Variants in SERPINA4 observed in about 807,000 individuals in gnomAD.
SERPINA4 encodes kallistatin.
A neutral mutation model predicts 25.4 loss-of-function variants in SERPINA4; 24 were observed. The observed-to-expected ratio is 0.95, with a 90% confidence interval of 0.69 to 1.33. SERPINA4 has a LOEUF of 1.33. Among genes scored for constraint, SERPINA4 ranks in the 40% most tolerant of loss-of-function variants. The pLI is 0.00. For synonymous variants in SERPINA4, 242 were observed against 223.6 expected, an observed-to-expected ratio of 1.08 and a Z score of -0.73; for missense variants, 553 against 535.8, an observed-to-expected ratio of 1.03 and a Z score of -0.32.
intron 4 of SERPINA4, among the ~76,000 whole-genome samples, chr14:94,568,586 A>G (rs1902293663): frequency 6.6e-6 from 1 of 152,170 alleles, no homozygotes; most frequent in African/African-American, 2.4e-5. Context: ...CGGGCATGGT[A>G]ACTCATGCCT....
chr14:94,566,984 C>A lies in SERPINA4; in HGVS notation c.664C>A (p.Pro222Thr), dbSNP rs754681083. The A allele has an allele frequency of 9.9e-6, 16 of 1,613,370 alleles. No individual in the cohort carries two copies. Among genetic ancestry groups the A allele is most frequent in the Non-Finnish European group, 1.4e-5 (16 of 1,179,568 alleles). ...CTTCCCTTCAGCCCTGTGGGAGAAA[C>A]CATTCATTTCCTCAAGGACCACTCC... ...YIYFKALWEK[P>T]FISSRTTPKD... Residue 222 changes from proline to threonine, a missense_variant, in exon 3 of 5, where the codon CCA (proline) becomes ACA (threonine). Coordinates refer to ENST00000557004, the MANE Select transcript of SERPINA4 (RefSeq NM_006215.4).
chr14:94,569,421 G>T lies in SERPINA4; in HGVS notation c.1110G>T (p.Val370=), dbSNP rs1265325364. ...GTTTCCACAAGGCCACCTTGGACGT[G>T]GATGAGGCTGGCACCGAGGCTGCAG... is the stretch of plus-strand genomic sequence containing the variant. The part of the protein sequence containing the change: ...SKSFHKATLD[V]DEAGTEAAAA... Residue 370 remains valine, a synonymous_variant, in exon 5 of 5, where the codon GTG becomes GTT. Coordinates refer to ENST00000557004, the MANE Select transcript of SERPINA4 (RefSeq NM_006215.4). 8 of 1,613,956 alleles carry T rather than the reference G, an allele frequency of 5.0e-6. No individual in the cohort carries two copies. The highest frequency in any genetic ancestry group is 4.5e-5 in the East Asian group (2 of 44,892).
intron 3 of SERPINA4, 62 bp downstream of exon 3, chr14:94,567,305 G>A (rs1361027354): frequency 2.8e-5 from 43 of 1,519,716 alleles, no homozygotes; most frequent in African/African-American, 1.4e-5. Flanking sequence ...ACTTTCTAAT[G>A]AAAGACAGTG....
intron 1 of SERPINA4, 143 bp from the exon 2 acceptor site, chr14:94,563,323 T>A (rs1193424546): frequency 5.2e-6 from 4 of 765,676 alleles, no homozygotes; most frequent in Non-Finnish European, 8.6e-6. Context: ...AGGTGGTGGG[T>A]GTTACATTGC....
intron 3 of SERPINA4, 121 bp downstream of exon 3, chr14:94,567,364 T>A (rs1902254507): frequency 2.8e-6 from 3 of 1,080,170 alleles, no homozygotes; most frequent in African/African-American, 1.6e-5. Context: ...TCTCACTTGC[T>A]CTGAGAACTT....
intron 2 of SERPINA4, among the ~76,000 whole-genome samples, chr14:94,565,332 C>T (rs1160501187): frequency 6.6e-6 from 1 of 152,162 alleles, no homozygotes; most frequent in African/African-American, 2.4e-5. Flanking sequence ...AACTGGAGCA[C>T]ACAGAGCACT....
intron 2 of SERPINA4, among the ~76,000 whole-genome samples, chr14:94,566,671 C>A (rs879369556): frequency 6.6e-6 from 1 of 152,198 alleles, no homozygotes; most frequent in East Asian, 1.9e-4. Context: ...AGGATGCTCA[C>A]CTAACAATGA....
In SERPINA4 at chr14:94,563,595, A is replaced by C; in HGVS notation, c.113A>C (p.Gln38Pro). Reference sequence around the variant, plus strand: ...AGTTGCAGTAACAGCTCCCACCAGCAGATTCTGGAGACAGGTGAGGGCTCC... The same window carrying C: ...AGTTGCAGTAACAGCTCCCACCAGCCGATTCTGGAGACAGGTGAGGGCTCC... ...GESCSNSSHQ[Q>P]ILETGEGSPS... is the part of the protein sequence containing the mutation. The change falls in exon 2 of 5, where the codon CAG (glutamine) becomes CCG (proline). Residue 38 changes from glutamine to proline, a missense_variant. Gln to Pro is a moderately conservative substitution (Grantham distance 76, BLOSUM62 -1). Coordinates refer to ENST00000557004, the MANE Select transcript of SERPINA4 (RefSeq NM_006215.4). The C allele has an allele frequency of 6.2e-7, 1 of 1,614,046 alleles. No individual in the cohort carries two copies. Among genetic ancestry groups the C allele is most frequent in the African/African-American group, 1.3e-5 (1 of 75,068 alleles).
chr14:94,569,699 G>T lies in SERPINA4; in HGVS notation c.*104G>T, dbSNP rs1224386152. The T allele has an allele frequency of 2.3e-6, 3 of 1,288,052 alleles. No homozygotes were observed. Among genetic ancestry groups the T allele is most frequent in the African/African-American group, 2.9e-5 (2 of 68,372 alleles). The allele number at this position is 1,288,052 out of a possible 1,614,324, so 79.8% of individuals were successfully genotyped here. A position where few individuals can be genotyped will look rare whatever the true frequency, so the allele number is the denominator to read the frequency against. ...AGTTGGGGACAAGGATGACACCGAA[G>T]GTCCAGGAGTCCAGGACAGCAGGTG... On this transcript the variant is annotated 3_prime_UTR_variant, in exon 5 of 5. Coordinates refer to ENST00000557004, the MANE Select transcript of SERPINA4 (RefSeq NM_006215.4).
chr14:94,563,028 C>T (rs374706256), intron 1 of SERPINA4, among the ~76,000 whole-genome samples: 5 of 152,282 alleles, frequency 3.3e-5, no homozygotes, highest in South Asian at 4.1e-4. Context: ...ATCCTCCATG[C>T]AAAATCACTG....
intron 2 of SERPINA4, among the ~76,000 whole-genome samples, chr14:94,566,313 A>G (rs1008199509): frequency 3.3e-5 from 5 of 152,212 alleles, no homozygotes; most frequent in African/African-American, 1.2e-4. Flanking sequence ...GCAAATTTTC[A>G]TTGATATCTC....
chr14:94,566,131 C>G (rs1035115752), intron 2 of SERPINA4, among the ~76,000 whole-genome samples: 1 of 152,180 alleles, frequency 6.6e-6, no homozygotes, highest in Admixed American at 6.5e-5. Context: ...CTTGCAAACA[C>G]TCTGAACTCT....
At position 94,569,480 on chromosome 14, in the gene SERPINA4, C is replaced by T. The variant is rs200451727; in HGVS notation, c.1169C>T (p.Ala390Val). Residue 390 changes from alanine (A) to valine (V), a missense_variant, in exon 5 of 5, where the codon GCC becomes GTC. Transcript: ENST00000557004. ...ATSFAIKFFS[A>V]QTNRHILRFN... is the part of the protein sequence containing the mutation. Reference sequence around the variant, plus strand: ...AGCTTCGCGATCAAATTCTTCTCTGCCCAGACCAATCGCCACATCCTGCGA... The same window carrying T: ...AGCTTCGCGATCAAATTCTTCTCTGTCCAGACCAATCGCCACATCCTGCGA... The T allele has an allele frequency of 6.2e-6, 10 of 1,614,198 alleles. No individual in the cohort carries two copies. The highest frequency in any genetic ancestry group is 4.5e-5 in the East Asian group (2 of 44,884).
chr14:94,561,679 G>A (rs1345807967), intron 1 of SERPINA4, 185 bp downstream of exon 1: 3 of 1,289,102 alleles, frequency 2.3e-6, no homozygotes, highest in East Asian at 5.6e-5. Context: ...GGCTAGAAAG[G>A]CCCCGACTTA....
rs1392033499 is a variant in SERPINA4, at chr14:94,566,997, C to G, written c.677C>G (p.Ser226Ter). Residue 226 changes from serine (S) to a stop codon, truncating the protein, a stop_gained, in exon 3 of 5, where the codon TCA (serine) becomes TGA (stop). Transcript: ENST00000557004. LOFTEE classifies it high-confidence loss of function. ...CTGTGGGAGAAACCATTCATTTCCTCAAGGACCACTCCCAAAGACTTCTAT... is the reference window on the plus strand; with the variant it reads ...CTGTGGGAGAAACCATTCATTTCCTGAAGGACCACTCCCAAAGACTTCTAT... ...KALWEKPFIS[S>*]RTTPKDFYVD... 1.9e-6 allele frequency: 3 copies of G among 1,613,972 alleles called. No homozygotes were observed. The African/African-American group carries it at 4.0e-5, about 22-fold the overall frequency.
chr14:94,569,174 G>C (rs924378193), intron 4 of SERPINA4, among the ~76,000 whole-genome samples: 4 of 152,224 alleles, frequency 2.6e-5, no homozygotes, highest in Non-Finnish European at 5.9e-5. Context: ...CCCGGGCACA[G>C]AGCAAGTGCT....
At chr14:94,567,865 C>T (rs917236414) in intron 3 of SERPINA4, among the ~76,000 whole-genome samples, 4 of 152,194 alleles carry the variant, frequency 2.6e-5, no homozygotes, top group African/African-American at 9.6e-5. Context: ...CATCTGTCTC[C>T]CTGGGCACCT....
Position 94,568,339 on chromosome 14 carries a change from C to T in SERPINA4, c.1083+51C>T, listed in dbSNP as rs765212956. 6 of 1,597,410 alleles carry T rather than the reference C, an allele frequency of 3.8e-6. No homozygotes were observed. In the Admixed American group the frequency reaches 5.1e-5, roughly 14 times the overall value. On this transcript the variant is annotated intron_variant, in intron 4 of 4. Coordinates refer to ENST00000557004, the MANE Select transcript of SERPINA4 (RefSeq NM_006215.4). Reference sequence around the variant, plus strand: ...CTAGAGAACTCGGTAGGGCAGTGCCCATGGGAGCTGCCAGGCGATGGGGCT... The same window carrying T: ...CTAGAGAACTCGGTAGGGCAGTGCCTATGGGAGCTGCCAGGCGATGGGGCT...
chr14:94,565,203 C>T (rs1043826807), intron 2 of SERPINA4, among the ~76,000 whole-genome samples: 1 of 152,216 alleles, frequency 6.6e-6, no homozygotes, highest in African/African-American at 2.4e-5. Context: ...CCAGGCTCAA[C>T]CAGCCATCAG....
Sources: gnomAD v4.1 joint callset for allele counts (sites outside exome capture counted in the v4.1 genomes callset) on GRCh38, gnomAD v4.1.1 for gene constraint, MANE v1.5 for transcripts, NCBI Gene and HGNC (gene_info 2026-07-23, HGNC 2026-07-21) for gene names.